The following GRK5 variants were observed in gnomAD, a reference collection of about 807,000 sequenced individuals.
GRK5 encodes G protein-coupled receptor kinase 5.
GRK5 carries 40 observed loss-of-function variants against 78.4 expected under a neutral mutation model. The observed-to-expected ratio is 0.51, with a 90% CI of 0.40 to 0.66. The LOEUF is 0.66. GRK5 is among the 30% of genes least tolerant of loss of function. The probability of loss-of-function intolerance (pLI) is 0.00; values close to 1 mark genes in which losing one functional copy is unlikely to be tolerated. For synonymous variants in GRK5, 289 were observed against 296.8 expected (o/e 0.97, Z 0.27); for missense variants, 598 against 759.9 (o/e 0.79, Z 2.50).
intron 3 of GRK5, among the ~76,000 whole-genome samples, chr10:119,382,926 T>C (rs1053443465): frequency 6.6e-6 from 1 of 152,122 alleles, no homozygotes; most frequent in Non-Finnish European, 1.5e-5. Flanking sequence ...TTTCTTTCTT[T>C]TTTTTTTGTT....
intron 2 of GRK5, among the ~76,000 whole-genome samples, chr10:119,329,636 A>G (rs909841942): frequency 8.5e-5 from 13 of 152,064 alleles, no homozygotes; most frequent in African/African-American, 2.9e-4. Flanking sequence ...AGGCTGAGGC[A>G]GGAGAATCAC....
rs140722837 is a variant in GRK5, at chr10:119,337,219, G to C, written c.148+10608G>C. ...TTGAGTTTGAAACGCACTGTTCTAG[G>C]CCAGGTCTCCCATTTCCAGATAAGT... On this transcript the variant is annotated intron_variant, in intron 2 of 15. Coordinates refer to ENST00000392870, the MANE Select transcript of GRK5 (RefSeq NM_005308.3). Among the ~76,000 whole-genome samples the C allele has an allele frequency of 4.1e-3, 631 of 152,258 alleles. 3 individuals carry two copies. Among genetic ancestry groups the C allele is most frequent in the Non-Finnish European group, 5.6e-3 (383 of 68,016 alleles).
Position 119,455,923 on chromosome 10 carries a change from CT to C in GRK5, c.*858del, listed in dbSNP as rs1853396675. 6.5e-6 allele frequency: 1 copy of C among 153,408 alleles called. No individual in the cohort carries two copies. The allele number at this position is 153,408 out of a possible 1,614,324, so 9.5% of individuals were successfully genotyped here. A position where few individuals can be genotyped will look rare whatever the true frequency, so the allele number is the denominator to read the frequency against. ...GCCTGGTGGGCGATGGGCCTCTTTCCTTCTAAGCAGGTCCTGACTGCTAAAG... is the reference window on the plus strand; with the variant it reads ...GCCTGGTGGGCGATGGGCCTCTTTCCTCTAAGCAGGTCCTGACTGCTAAAG... On this transcript the variant is annotated 3_prime_UTR_variant, in exon 16 of 16. Coordinates refer to ENST00000392870, the MANE Select transcript of GRK5 (RefSeq NM_005308.3).
At position 119,458,360 on chromosome 10, in the gene GRK5, A is replaced by C. The variant is rs1853431367; in HGVS notation, c.*3293A>C. On this transcript the variant is annotated 3_prime_UTR_variant, in exon 16 of 16. Transcript: ENST00000392870. Reference sequence around the variant, plus strand: ...CAGAATACCACCCAAAATAGCAAGAAGACCCGGTCCCCGCCTTGCGGACGA... The same window carrying C: ...CAGAATACCACCCAAAATAGCAAGACGACCCGGTCCCCGCCTTGCGGACGA... 6.6e-6 allele frequency: 1 copy of C among 152,294 alleles called. No individual in the cohort carries two copies. Among genetic ancestry groups the C allele is most frequent in the South Asian group, 2.1e-4 (1 of 4,832 alleles). The allele number at this position is 152,294 out of a possible 1,614,324, so 9.4% of individuals were successfully genotyped here.
intron 1 of GRK5, among the ~76,000 whole-genome samples, chr10:119,306,920 T>A (rs1850281065): frequency 6.6e-6 from 1 of 151,942 alleles, no homozygotes; most frequent in Non-Finnish European, 1.5e-5. Flanking sequence ...GGGGGTTGCC[T>A]AAAAAAATGC....
chr10:119,371,118 C>T (rs1011820139), intron 2 of GRK5, among the ~76,000 whole-genome samples: 4 of 152,194 alleles, frequency 2.6e-5, no homozygotes, highest in South Asian at 2.1e-4. Context: ...TTCCTTGGCC[C>T]GAGCTCTAGG....
intron 1 of GRK5, among the ~76,000 whole-genome samples, chr10:119,292,671 G>T (rs1850004153): frequency 6.6e-6 from 1 of 152,180 alleles, no homozygotes; most frequent in African/African-American, 2.4e-5. Context: ...AAAATCTGCA[G>T]ATGCACAAGT....
chr10:119,417,964 C>T (rs376141082), intron 4 of GRK5, among the ~76,000 whole-genome samples: 164 of 152,230 alleles, frequency 1.1e-3, no homozygotes, highest in African/African-American at 3.2e-3. Flanking sequence ...AGGAACTGCC[C>T]GGATCCCCAG....
chr10:119,274,385 C>T (rs755027140), intron 1 of GRK5, among the ~76,000 whole-genome samples: 7 of 152,210 alleles, frequency 4.6e-5, no homozygotes, highest in Non-Finnish European at 7.3e-5. Flanking sequence ...GTAGGAAAAG[C>T]GCACTGGCGA....
rs185379384 is a variant in GRK5, at chr10:119,398,117, T to C, written c.339+1345T>C. Among the ~76,000 whole-genome samples, 327 of 152,348 alleles carry C rather than the reference T, an allele frequency of 2.1e-3. 4 individuals carry two copies. The highest frequency in any genetic ancestry group is 6.9e-3 in the African/African-American group (288 of 41,590). ...TGGGGGCCTTGCTATGCTCCAGATA[T>C]GGGCCTGTTGCTGTCTGTGAGGTTC... On this transcript the variant is annotated intron_variant, in intron 4 of 15. Transcript: ENST00000392870.
intron 9 of GRK5, 141 bp downstream of exon 9, chr10:119,436,982 CT>C: frequency 1.3e-6 from 1 of 799,914 alleles, no homozygotes; most frequent in Non-Finnish European, 1.9e-6. Context: ...GTCAGACAGA[CT>C]TTCCACTCCA....
At chr10:119,229,469 C>T (rs1353988200) in intron 1 of GRK5, among the ~76,000 whole-genome samples, 2 of 152,128 alleles carry the variant, frequency 1.3e-5, no homozygotes, top group Non-Finnish European at 2.9e-5. Context: ...GTCTAGTGAA[C>T]TAGTGACCAA....
chr10:119,308,442 G>A (rs561269364), intron 1 of GRK5, among the ~76,000 whole-genome samples: 1 of 152,312 alleles, frequency 6.6e-6, no homozygotes, highest in East Asian at 1.9e-4. Context: ...CATCTGTGAC[G>A]TATGGGCCAG....
At chr10:119,389,589 G>A (rs1269251298) in intron 3 of GRK5, among the ~76,000 whole-genome samples, 1 of 152,240 alleles carries the variant, frequency 6.6e-6, no homozygotes, top group African/African-American at 2.4e-5. Context: ...AAGCTGCCAT[G>A]TTCTTAATGA....
intron 1 of GRK5, among the ~76,000 whole-genome samples, chr10:119,291,901 TC>T (rs757757785): frequency 1.5e-4 from 22 of 150,522 alleles, no homozygotes; most frequent in Non-Finnish European, 2.7e-4. Flanking sequence ...CTCATCTTCT[TC>T]CTCCTCCTCC....
intron 1 of GRK5, among the ~76,000 whole-genome samples, chr10:119,231,289 T>C (rs1848824836): frequency 6.6e-6 from 1 of 151,980 alleles, no homozygotes; most frequent in Non-Finnish European, 1.5e-5. Flanking sequence ...AAAGAAGACA[T>C]ACACACCACT....
intron 1 of GRK5, among the ~76,000 whole-genome samples, chr10:119,212,019 A>T (rs1848496049): frequency 6.6e-6 from 1 of 152,126 alleles, no homozygotes; most frequent in East Asian, 1.9e-4. Flanking sequence ...AGGCATACGT[A>T]CTCCACCCTG....
chr10:119,234,236 C>T (rs988406713), intron 1 of GRK5, among the ~76,000 whole-genome samples: 4 of 152,238 alleles, frequency 2.6e-5, no homozygotes, highest in Admixed American at 1.3e-4. Context: ...GGTTCCTAAA[C>T]TTTCCCAAGG....
At chr10:119,365,270 G>A (rs185649301) in intron 2 of GRK5, among the ~76,000 whole-genome samples, 69 of 152,356 alleles carry the variant, frequency 4.5e-4, no homozygotes, top group African/African-American at 1.6e-3. Context: ...GGTATTGCAT[G>A]CTGACAAATT....
Sources: gnomAD v4.1 joint callset for allele counts (sites outside exome capture counted in the v4.1 genomes callset) on GRCh38, gnomAD v4.1.1 for gene constraint, MANE v1.5 for transcripts, NCBI Gene and HGNC (gene_info 2026-07-23, HGNC 2026-07-21) for gene names.